The following TTLL4 variants were observed in gnomAD, a reference collection of about 807,000 sequenced individuals.
The protein encoded by TTLL4 is tubulin monoglutamylase TTLL4.
In TTLL4, 85 loss-of-function variants were observed where a neutral mutation model predicts 122.7. That is an observed-to-expected ratio of 0.69 (90% CI 0.58 to 0.83). The LOEUF (loss-of-function observed/expected upper bound fraction) is 0.83, where lower values mean the gene tolerates loss of function less well. TTLL4 is among the 40% of genes least tolerant of loss of function. The pLI is 0.00. For missense variants in TTLL4, 1,363 were observed against 1,488.6 expected (o/e 0.92, Z 1.39); for synonymous variants, 553 against 563.0 (o/e 0.98, Z 0.25).
In TTLL4 at chr2:218,749,358, C is replaced by G. The variant is rs776330053; in HGVS notation, c.2706C>G (p.Pro902=). Residue 902 remains proline (P), a synonymous_variant, in exon 14 of 20, where the codon CCC becomes CCG. Transcript: ENST00000392102. ...FDIMLDENLK[P]WVLEVNISPS... ...TCATGCTAGACGAAAACCTCAAGCC[C>G]TGGGTCCTGGAAGTCAACATTTCCC... 8.1e-6 allele frequency: 13 copies of G among 1,614,062 alleles called. No individual in the cohort carries two copies. The East Asian group carries it at 2.9e-4, about 36-fold the overall frequency.
rs572400592 is a variant in TTLL4, at chr2:218,719,790, C to T, written c.-177-7479C>T. Among the ~76,000 whole-genome samples, 30 of 152,232 alleles carry T rather than the reference C, an allele frequency of 2.0e-4. 1 individual carries two copies. Among genetic ancestry groups the T allele is most frequent in the Non-Finnish European group, 3.8e-4 (26 of 68,018 alleles). ...CAGTGTTTAGTAAGTGCTCATGGACCGTTTTTGAAAAGGGATTGACCTGAT... is the reference window on the plus strand; with the variant it reads ...CAGTGTTTAGTAAGTGCTCATGGACTGTTTTTGAAAAGGGATTGACCTGAT... On this transcript the variant is annotated intron_variant, in intron 1 of 19. Transcript: ENST00000392102.
At chr2:218,737,447 C>T in intron 2 of TTLL4, 132 bp from the exon 3 acceptor site, 1 of 469,468 alleles carries the variant, frequency 2.1e-6, no homozygotes, top group Non-Finnish European at 3.8e-6. Context: ...TCTCCCAGTG[C>T]CCCAAATGAC....
At position 218,737,924 on chromosome 2, in the gene TTLL4, G is replaced by A; in HGVS notation, c.248G>A (p.Cys83Tyr). 1 of 1,614,146 alleles carries A rather than the reference G, an allele frequency of 6.2e-7. No homozygotes were observed. Among genetic ancestry groups the A allele is most frequent in the Non-Finnish European group, 8.5e-7 (1 of 1,180,040 alleles). Residue 83 changes from cysteine to tyrosine, a missense_variant, in exon 3 of 20, where the codon TGC becomes TAC. Coordinates refer to ENST00000392102, the MANE Select transcript of TTLL4 (RefSeq NM_014640.5). ...GVPPQPAYFFCPSTLCSSGTT... is the reference protein window; with the variant it reads ...GVPPQPAYFFYPSTLCSSGTT... ...CCACCCCAGCCAGCATATTTCTTTT[G>A]CCCCAGCACTTTATGTAGCTCTGGG...
chr2:218,746,305 G>T (rs1268312676), intron 8 of TTLL4, 74 bp downstream of exon 8: 4 of 1,518,630 alleles, frequency 2.6e-6, no homozygotes, highest in East Asian at 4.5e-5. Context: ...ATGTGAGTAG[G>T]GGGTAGGGGG....
At chr2:218,740,298 G>A in intron 4 of TTLL4, 131 bp downstream of exon 4, 1 of 963,240 alleles carries the variant, frequency 1.0e-6, no homozygotes, top group South Asian at 1.6e-5. Context: ...GTCTTAAGTG[G>A]GGGTAGTGCC....
intron 1 of TTLL4, among the ~76,000 whole-genome samples, chr2:218,725,631 C>T (rs1407525591): frequency 6.6e-6 from 1 of 152,014 alleles, no homozygotes; most frequent in African/African-American, 2.4e-5. Flanking sequence ...TCTCGGCTCA[C>T]CGCAACCTCC....
intron 1 of TTLL4, among the ~76,000 whole-genome samples, chr2:218,724,507 T>C (rs1276913914): frequency 6.6e-6 from 1 of 152,236 alleles, no homozygotes; most frequent in Non-Finnish European, 1.5e-5. Context: ...CTCCCACTTA[T>C]GAGTGAGAAC....
Position 218,739,040 on chromosome 2 carries a change from C to G in TTLL4, c.1364C>G (p.Pro455Arg). 6.2e-7 allele frequency: 1 copy of G among 1,614,198 alleles called. No individual in the cohort carries two copies. Among genetic ancestry groups the G allele is most frequent in the Non-Finnish European group, 8.5e-7 (1 of 1,180,040 alleles). Residue 455 changes from proline to arginine, a missense_variant, in exon 3 of 20, where the codon CCT becomes CGT. By Grantham distance (103) the Pro-to-Arg change is moderately radical (BLOSUM62 -2). Coordinates refer to ENST00000392102, the MANE Select transcript of TTLL4 (RefSeq NM_014640.5). The stretch of plus-strand genomic sequence containing the variant: ...GGAGAAGGCAAAGCTCCAGGTCCCC[C>G]TTTTCCTCAAACTCTTGGCATAGCC... ...AFGEGKAPGP[P>R]FPQTLGIANV...
Position 218,747,725 on chromosome 2 carries a change from AGTAT to A in TTLL4, c.2378+3_2378+6del, listed in dbSNP as rs1339339394. 6.2e-7 allele frequency: 1 copy of A among 1,614,116 alleles called. No homozygotes were observed. The highest frequency in any genetic ancestry group is 1.1e-5 in the South Asian group (1 of 91,094). On this transcript the variant is annotated splice_donor_variant and splice_donor_region_variant and intron_variant, in intron 11 of 19. Transcript: ENST00000392102. LOFTEE classifies it high-confidence loss of function. This position sits in a 1 kb window ranked among gnomAD's most constrained non-coding sequence, Gnocchi z 4.7. ...GGACTGGTCCGCTTTGCCAGTTGCA[AGTAT>A]GTGACAGTGGTGAGGTATCCTCTGA... is the stretch of plus-strand genomic sequence containing the variant.
intron 2 of TTLL4, among the ~76,000 whole-genome samples, chr2:218,729,583 G>C (rs559219193): frequency 3.9e-5 from 6 of 152,076 alleles, no homozygotes; most frequent in African/African-American, 1.4e-4. Flanking sequence ...GAATGGAATT[G>C]TGTATTTCAT....
chr2:218,758,502 T>TA (rs983119858), downstream of TTLL4, among the ~76,000 whole-genome samples: 1 of 152,204 alleles, frequency 6.6e-6, no homozygotes. Flanking sequence ...ACAATACTAT[T>TA]ACAATAGCGT....
chr2:218,735,967 C>CTTTTTTT (rs765207077), intron 2 of TTLL4, among the ~76,000 whole-genome samples: 13 of 79,962 alleles, frequency 1.6e-4, no homozygotes, highest in African/African-American at 6.1e-4. Flanking sequence ...CGTGCCCAGC[C>CTTTTTTT]TTTTTTTTTT....
At chr2:218,727,219 C>G (rs576380842) in intron 1 of TTLL4, 50 bp from the exon 2 acceptor site, 2 of 152,246 alleles carry the variant, frequency 1.3e-5, no homozygotes, top group East Asian at 3.9e-4. Flanking sequence ...TATAGGTTAT[C>G]TTTGTTGCTT....
In TTLL4 at chr2:218,721,207, G is replaced by A. The variant is rs543727719; in HGVS notation, c.-177-6062G>A. Among the ~76,000 whole-genome samples, 204 of 150,780 alleles carry A rather than the reference G, an allele frequency of 1.4e-3. 1 individual carries two copies. The highest frequency in any genetic ancestry group is 4.8e-3 in the African/African-American group (193 of 40,450). On this transcript the variant is annotated intron_variant, in intron 1 of 19. Transcript: ENST00000392102. The stretch of plus-strand genomic sequence containing the variant: ...CTAACAAATTGATCAAACCCCATGG[G>A]GGGGTTTTGGGAACCTCAATTTACC...
chr2:218,758,439 A>G (rs1370283659), downstream of TTLL4, among the ~76,000 whole-genome samples: 3 of 152,226 alleles, frequency 2.0e-5, no homozygotes, highest in African/African-American at 7.2e-5. Context: ...AAACAGACCA[A>G]AACTACCACC....
rs761481134 is a variant in TTLL4, at chr2:218,745,085, C to T, written c.1662-24C>T. The T allele has an allele frequency of 6.8e-6, 11 of 1,612,988 alleles. No homozygotes were observed. In the African/African-American group the frequency reaches 1.2e-4, roughly 18 times the overall value. The stretch of plus-strand genomic sequence containing the variant: ...GGCTGTTGCTTTTTCCCTTTCTCTA[C>T]TCCATGTTTGTTTTTCGTCTTAGAA... On this transcript the variant is annotated intron_variant, in intron 5 of 19. Coordinates refer to ENST00000392102, the MANE Select transcript of TTLL4 (RefSeq NM_014640.5).
chr2:218,731,913 A>C (rs960959403), intron 2 of TTLL4, among the ~76,000 whole-genome samples: 5 of 152,256 alleles, frequency 3.3e-5, no homozygotes, highest in Admixed American at 6.5e-5. Flanking sequence ...TCTGCCTGCT[A>C]TAGCTTAGTG....
intron 2 of TTLL4, among the ~76,000 whole-genome samples, chr2:218,729,042 C>T (rs1421662304): frequency 6.6e-6 from 1 of 150,976 alleles, no homozygotes; most frequent in East Asian, 1.9e-4. Flanking sequence ...AAGAGATGCT[C>T]CTGCCTCAGC....
At position 218,748,134 on chromosome 2, in the gene TTLL4, A is replaced by G. The variant is rs114705385; in HGVS notation, c.2408A>G (p.Asn803Ser). 2.5e-6 allele frequency: 4 copies of G among 1,614,102 alleles called. No homozygotes were observed. The highest frequency in any genetic ancestry group is 2.2e-5 in the East Asian group (1 of 44,870). Residue 803 changes from asparagine (N) to serine (S), a missense_variant, in exon 12 of 20, where the codon AAT becomes AGT. Physicochemically the swap from Asn to Ser is conservative, Grantham distance 46. Coordinates refer to ENST00000392102, the MANE Select transcript of TTLL4 (RefSeq NM_014640.5). ...TCGCCTTCCATGAAGAGCCTTGGCA[A>G]TAAGTTCATGCACCTGACCAACTAC... ...KYSPSMKSLG[N>S]KFMHLTNYSV...
Sources: gnomAD v4.1 joint callset for allele counts (sites outside exome capture counted in the v4.1 genomes callset) on GRCh38, gnomAD v4.1.1 for gene constraint, Gnocchi (gnomAD v3.1) non-coding constraint, MANE v1.5 for transcripts, NCBI Gene and HGNC (gene_info 2026-07-23, HGNC 2026-07-21) for gene names.